Variants in KCNH5 observed in about 807,000 individuals in gnomAD.
KCNH5 encodes the protein potassium voltage-gated channel subfamily H member 5.
KCNH5 carries 46 observed loss-of-function variants against 96.1 expected under a neutral mutation model. The ratio of observed to expected loss-of-function variants is 0.48; its 90% CI spans 0.38 to 0.61. KCNH5 has a LOEUF of 0.61. Ranked by LOEUF, KCNH5 falls within the 20% of genes least tolerant of loss-of-function variation. KCNH5 has a pLI of 0.00. For synonymous variants in KCNH5, 439 were observed against 449.8 expected, an observed-to-expected ratio of 0.98 and a Z score of 0.30; for missense variants, 907 against 1,225.8, an observed-to-expected ratio of 0.74 and a Z score of 3.88.
chr14:62,976,097 TA>T (rs377478705), intron 6 of KCNH5, among the ~76,000 whole-genome samples: 313 of 139,730 alleles, frequency 2.2e-3, no homozygotes, highest in Middle Eastern at 3.7e-3. Flanking sequence ...ATAGGAGATT[TA>T]AAAAAAAAAA....
intron 7 of KCNH5, among the ~76,000 whole-genome samples, chr14:62,916,192 T>C (rs1210435730): frequency 6.6e-6 from 1 of 152,164 alleles, no homozygotes; most frequent in Non-Finnish European, 1.5e-5. Context: ...GACCTCGTGA[T>C]CTGCCTGCCT....
intron 10 of KCNH5, among the ~76,000 whole-genome samples, chr14:62,709,340 T>A (rs1398536727): frequency 6.6e-6 from 1 of 150,508 alleles, no homozygotes; most frequent in Admixed American, 6.6e-5. Context: ...GCAAATGGCA[T>A]CTGGGTTGGG....
At chr14:62,917,418 CA>C (rs1004713177) in intron 7 of KCNH5, among the ~76,000 whole-genome samples, 25 of 150,892 alleles carry the variant, frequency 1.7e-4, no homozygotes, top group African/African-American at 6.1e-4. Flanking sequence ...TGCATCCACA[CA>C]AATGCTGATA....
chr14:62,884,367 G>C (rs1418245055), intron 7 of KCNH5, among the ~76,000 whole-genome samples: 2 of 152,204 alleles, frequency 1.3e-5, no homozygotes, highest in Non-Finnish European at 2.9e-5. Context: ...GTTCACACCT[G>C]TAATCCCAGC....
intron 6 of KCNH5, among the ~76,000 whole-genome samples, chr14:62,969,353 A>G (rs374286836): frequency 2.0e-5 from 3 of 152,354 alleles, no homozygotes; most frequent in Admixed American, 2.0e-4. Flanking sequence ...ACCTTTGCAA[A>G]CCAGAAATCC....
chr14:62,714,166 G>A (rs147588458), intron 10 of KCNH5, among the ~76,000 whole-genome samples: 5 of 151,956 alleles, frequency 3.3e-5, no homozygotes, highest in East Asian at 3.9e-4. Context: ...GTGCATGCCC[G>A]TGGTCCTAGC....
intron 6 of KCNH5, among the ~76,000 whole-genome samples, chr14:62,956,021 C>T (rs998222579): frequency 2.6e-5 from 4 of 152,144 alleles, no homozygotes; most frequent in African/African-American, 4.8e-5. Context: ...ATCTCTCCTA[C>T]ATCATTGCTG....
intron 5 of KCNH5, among the ~76,000 whole-genome samples, chr14:62,984,323 C>T (rs920402791): frequency 3.3e-5 from 5 of 152,132 alleles, no homozygotes; most frequent in Non-Finnish European, 5.9e-5. Context: ...AAGCTAAAGG[C>T]AATCAGCAGG....
intron 1 of KCNH5, among the ~76,000 whole-genome samples, chr14:63,021,115 T>C (rs568759875): frequency 6.6e-4 from 101 of 152,210 alleles, no homozygotes; most frequent in Non-Finnish European, 1.3e-3. Flanking sequence ...AGCTGTCCAC[T>C]TCATGACTAG....
At chr14:62,752,856 T>G (rs2139946731) in intron 10 of KCNH5, among the ~76,000 whole-genome samples, 1 of 152,320 alleles carries the variant, frequency 6.6e-6, no homozygotes. Context: ...CCTTCCACCA[T>G]GATTGTAAGT....
chr14:62,780,275 G>A (rs1033642289), intron 9 of KCNH5, among the ~76,000 whole-genome samples: 1 of 152,164 alleles, frequency 6.6e-6, no homozygotes, highest in African/African-American at 2.4e-5. Context: ...CTTGCCTCTG[G>A]TCCTTCTGGT....
intron 6 of KCNH5, among the ~76,000 whole-genome samples, chr14:62,951,676 G>C (rs1414028031): frequency 1.3e-5 from 2 of 152,156 alleles, no homozygotes; most frequent in Admixed American, 6.5e-5. Flanking sequence ...GAAGGAAACA[G>C]TTGGCAGGGC....
intron 10 of KCNH5, among the ~76,000 whole-genome samples, chr14:62,711,453 T>C (rs560200307): frequency 6.6e-6 from 1 of 152,262 alleles, no homozygotes; most frequent in East Asian, 1.9e-4. Flanking sequence ...GTACATTAGA[T>C]GACAGAATTC....
chr14:62,778,197 G>T (rs527527344), intron 10 of KCNH5, among the ~76,000 whole-genome samples: 3 of 152,256 alleles, frequency 2.0e-5, no homozygotes, highest in East Asian at 3.9e-4. Context: ...GAGGGGGACT[G>T]GTTCCAGGAT....
intron 8 of KCNH5, among the ~76,000 whole-genome samples, chr14:62,832,085 C>T (rs1342144071): frequency 6.6e-6 from 1 of 152,098 alleles, no homozygotes; most frequent in Non-Finnish European, 1.5e-5. Context: ...CATATTAAAG[C>T]AATTTAAAAC....
intron 6 of KCNH5, among the ~76,000 whole-genome samples, chr14:62,956,583 T>C (rs1594644598): frequency 2.1e-5 from 3 of 145,794 alleles, no homozygotes. Context: ...CCACAGTACA[T>C]GATTCAGATT....
At chr14:62,778,255 C>T (rs1387506725) in intron 10 of KCNH5, among the ~76,000 whole-genome samples, 1 of 152,168 alleles carries the variant, frequency 6.6e-6, no homozygotes, top group African/African-American at 2.4e-5. Context: ...GCTGTCTGCC[C>T]TGTGGAACCC....
intron 7 of KCNH5, among the ~76,000 whole-genome samples, chr14:62,874,683 AC>A: frequency 6.7e-6 from 1 of 150,146 alleles, no homozygotes; most frequent in East Asian, 2.0e-4. Context: ...TATTGATGGG[AC>A]GTATTTCAAA....
At chr14:62,870,579 C>A (rs781032124) in intron 7 of KCNH5, among the ~76,000 whole-genome samples, 22 of 152,062 alleles carry the variant, frequency 1.4e-4, no homozygotes, top group Non-Finnish European at 2.8e-4. Flanking sequence ...ATTTATAAAT[C>A]TAGTTATTTT....
Sources: gnomAD v4.1 joint callset for allele counts (sites outside exome capture counted in the v4.1 genomes callset) on GRCh38, gnomAD v4.1.1 for gene constraint, MANE v1.5 for transcripts, NCBI Gene and HGNC (gene_info 2026-07-23, HGNC 2026-07-21) for gene names.